Variants in IL21R observed in about 807,000 individuals in gnomAD.
IL21R encodes interleukin-21 receptor.
IL21R carries 14 observed loss-of-function variants against 41.3 expected under a neutral mutation model. That is an observed-to-expected ratio of 0.34 (90% confidence interval 0.22 to 0.53). The LOEUF (loss-of-function observed/expected upper bound fraction) is 0.53, where lower values mean the gene tolerates loss of function less well. Ranked by LOEUF, IL21R falls within the 20% of genes least tolerant of loss-of-function variation. The pLI is 0.94. For synonymous variants in IL21R, 286 were observed against 287.6 expected (o/e 0.99, Z 0.05); for missense variants, 588 against 681.6 (o/e 0.86, Z 1.53).
At chr16:27,418,109 G>T (rs944739632) in intron 1 of IL21R, among the ~76,000 whole-genome samples, 1 of 147,730 alleles carries the variant, frequency 6.8e-6, no homozygotes, top group Non-Finnish European at 1.5e-5. Context: ...TCGCTCTATC[G>T]CCCAGGCTGG....
At position 27,449,404 on chromosome 16, in the gene IL21R, C is replaced by T. The variant is rs140357653; in HGVS notation, c.*121C>T. 3 of 953,202 alleles carry T rather than the reference C, an allele frequency of 3.1e-6. No individual in the cohort carries two copies. In the East Asian group the frequency reaches 7.8e-5, roughly 25 times the overall value. The allele number at this position is 953,202 out of a possible 1,614,324, so 59.0% of individuals were successfully genotyped here. A position where few individuals can be genotyped will look rare whatever the true frequency, so the allele number is the denominator to read the frequency against. Reference sequence around the variant, plus strand: ...TGGTCTCCTGGATGGGCCTTTGAGCCTGATGTTTACAGTGTCTGTGTGTGT... The same window carrying T: ...TGGTCTCCTGGATGGGCCTTTGAGCTTGATGTTTACAGTGTCTGTGTGTGT... On this transcript the variant is annotated 3_prime_UTR_variant, in exon 9 of 9. Transcript: ENST00000337929.
intron 6 of IL21R, 91 bp from the exon 7 acceptor site, chr16:27,445,086 C>A: frequency 1.1e-6 from 1 of 870,460 alleles, no homozygotes; most frequent in South Asian, 1.5e-5. Flanking sequence ...CCCTCTTCCA[C>A]TCTACCCCAG....
At chr16:27,434,571 G>T in intron 3 of IL21R, 122 bp downstream of exon 3, 1 of 661,910 alleles carries the variant, frequency 1.5e-6, no homozygotes, top group South Asian at 1.8e-5. Flanking sequence ...ACCACTCAGG[G>T]CTCACAGGAC....
chr16:27,417,948 A>G (rs2086915054), intron 1 of IL21R, among the ~76,000 whole-genome samples: 1 of 152,012 alleles, frequency 6.6e-6, no homozygotes, highest in Non-Finnish European at 1.5e-5. Context: ...GGCTACTCTA[A>G]ATTTATTTGA....
At chr16:27,429,961 C>T (rs1389350433) in intron 1 of IL21R, 95 bp from the exon 2 acceptor site, 11 of 1,045,500 alleles carry the variant, frequency 1.1e-5, no homozygotes, top group African/African-American at 3.2e-5. Context: ...TTCCAAGAAT[C>T]AGGGGCAAGT....
intron 1 of IL21R, among the ~76,000 whole-genome samples, chr16:27,418,325 T>C (rs763444947): frequency 4.4e-4 from 67 of 151,362 alleles, no homozygotes; most frequent in East Asian, 1.6e-3. Context: ...GTCTCGCCCT[T>C]CCAAAGCGCT....
At chr16:27,437,791 TA>T in intron 4 of IL21R, 104 bp downstream of exon 4, 2 of 880,476 alleles carry the variant, frequency 2.3e-6, no homozygotes, top group Non-Finnish European at 3.7e-6. Flanking sequence ...GCCTCCCGTG[TA>T]GCTGGGACAA....
intron 1 of IL21R, among the ~76,000 whole-genome samples, chr16:27,422,073 A>G (rs6498029): frequency 0.36 from 54,831 of 151,834 alleles, 10,274 homozygotes; most frequent in East Asian, 0.51. Flanking sequence ...AAAATTCTAA[A>G]TTGGCTTTTG....
At chr16:27,431,647 C>T (rs2087173841) in intron 2 of IL21R, among the ~76,000 whole-genome samples, 1 of 151,908 alleles carries the variant, frequency 6.6e-6, no homozygotes, top group African/African-American at 2.4e-5. Flanking sequence ...CGGTGAGGGG[C>T]CCATCTTTGC....
At chr16:27,445,067 C>T in intron 6 of IL21R, 110 bp from the exon 7 acceptor site, 1 of 732,700 alleles carries the variant, frequency 1.4e-6, no homozygotes. Context: ...GCAGTAACAG[C>T]CTCTCCTACC....
intron 2 of IL21R, 37 bp from the exon 3 acceptor site, chr16:27,434,310 C>A (rs1467100328): frequency 2.2e-6 from 3 of 1,344,978 alleles, no homozygotes; most frequent in Non-Finnish European, 3.2e-6. Context: ...TCCCAAGCCA[C>A]CCCCCACCAA....
At chr16:27,418,060 ATTTTATT>A (rs1421772240) in intron 1 of IL21R, among the ~76,000 whole-genome samples, 1 of 137,972 alleles carries the variant, frequency 7.2e-6, no homozygotes, top group African/African-American at 2.7e-5. Flanking sequence ...ATTTTATTTT[ATTTTATT>A]TATGTTATTT....
At chr16:27,434,231 T>C (rs944240717) in intron 2 of IL21R, 116 bp from the exon 3 acceptor site, 3 of 664,648 alleles carry the variant, frequency 4.5e-6, no homozygotes, top group Admixed American at 4.6e-5. Context: ...CTCATATTTG[T>C]CCCGGCCTGG....
intron 1 of IL21R, among the ~76,000 whole-genome samples, chr16:27,422,208 A>G (rs1019443040): frequency 6.6e-6 from 1 of 151,922 alleles, no homozygotes; most frequent in African/African-American, 2.4e-5. Flanking sequence ...TGCATACTGC[A>G]TATCTTTGTC....
chr16:27,418,366 C>T (rs888889570), intron 1 of IL21R, among the ~76,000 whole-genome samples: 11 of 149,960 alleles, frequency 7.3e-5, no homozygotes, highest in Non-Finnish European at 1.5e-4. Flanking sequence ...CCGCGCCCGG[C>T]CCTATTTTAT....
Position 27,415,539 on chromosome 16 carries a change from T to C in IL21R, c.-17+12921T>C, listed in dbSNP as rs559062966. Among the ~76,000 whole-genome samples, 5 of 152,344 alleles carry C rather than the reference T, an allele frequency of 3.3e-5. No homozygotes were observed. In the East Asian group the frequency reaches 9.6e-4, roughly 29 times the overall value. The stretch of plus-strand genomic sequence containing the variant: ...TGGACAGCCAAAGAATGATAACATC[T>C]GCTTATCATGAGAGTGTTTTGGGGA... On this transcript the variant is annotated intron_variant, in intron 1 of 8. Coordinates refer to ENST00000337929, the MANE Select transcript of IL21R (RefSeq NM_181078.3).
At chr16:27,427,420 G>A in intron 1 of IL21R, 2 of 695,072 alleles carry the variant, frequency 2.9e-6, no homozygotes, top group Non-Finnish European at 3.5e-6. Flanking sequence ...TTTAAAGACA[G>A]GGTCTCACTC....
intron 7 of IL21R, 82 bp downstream of exon 7, chr16:27,445,358 A>G: frequency 1.2e-6 from 1 of 845,302 alleles, no homozygotes; most frequent in Non-Finnish European, 2.0e-6. Context: ...GTTGGAAAAC[A>G]TGACTGTCAT....
chr16:27,427,552 G>T (rs186645241), intron 1 of IL21R, among the ~76,000 whole-genome samples: 1 of 152,064 alleles, frequency 6.6e-6, no homozygotes, highest in African/African-American at 2.4e-5. Flanking sequence ...CACAGCACCC[G>T]GCTAACTTAT....
Sources: allele counts gnomAD v4.1 joint callset (sites outside exome capture counted in the v4.1 genomes callset), GRCh38; gene constraint gnomAD v4.1.1; transcripts MANE v1.5; gene names NCBI Gene and HGNC (gene_info 2026-07-23, HGNC 2026-07-21).